TMEM177: variants seen among roughly 807,000 people sequenced by gnomAD.
TMEM177 encodes transmembrane protein 177.
TMEM177 carries 4 observed loss-of-function variants against 14.2 expected under a neutral mutation model. The ratio of observed to expected loss-of-function variants is 0.28; its 90% CI spans 0.14 to 0.64. The LOEUF is 0.64. TMEM177 is among the 30% of genes least tolerant of loss of function. The pLI is 0.82. For missense variants in TMEM177, 344 were observed against 405.2 expected, an observed-to-expected ratio of 0.85 and a Z score of 1.30; for synonymous variants, 179 against 174.5, an observed-to-expected ratio of 1.03 and a Z score of -0.20.
At chr2:119,720,826 A>T in the TMEM177 span, among the ~76,000 whole-genome samples, 1 of 152,176 alleles carries the variant, frequency 6.6e-6, no homozygotes, top group Non-Finnish European at 1.5e-5. Context: ...TCAATGTAAG[A>T]TCAATTATCT....
At chr2:119,706,305 C>T in the TMEM177 span, among the ~76,000 whole-genome samples, 6 of 152,112 alleles carry the variant, frequency 3.9e-5, no homozygotes, top group African/African-American at 1.4e-4. Flanking sequence ...GGATTACAGG[C>T]GTGAGCCACA....
At chr2:119,679,856 T>C (rs1475983809) in intron 1 of TMEM177, among the ~76,000 whole-genome samples, 1 of 152,242 alleles carries the variant, frequency 6.6e-6, no homozygotes, top group East Asian at 1.9e-4. Flanking sequence ...AAAAGTTTGC[T>C]GTGGACACCT....
the TMEM177 span, among the ~76,000 whole-genome samples, chr2:119,694,355 C>A: frequency 2.6e-5 from 4 of 152,132 alleles, no homozygotes; most frequent in African/African-American, 4.8e-5. Flanking sequence ...CACCCACACA[C>A]ACACACCCCT....
chr2:119,708,456 A>G, the TMEM177 span, among the ~76,000 whole-genome samples: 1 of 152,210 alleles, frequency 6.6e-6, no homozygotes, highest in African/African-American at 2.4e-5. Flanking sequence ...AACATGAGCA[A>G]AACTTCCTTA....
At chr2:119,707,490 A>G in the TMEM177 span, among the ~76,000 whole-genome samples, 1 of 152,224 alleles carries the variant, frequency 6.6e-6, no homozygotes, top group Non-Finnish European at 1.5e-5. Flanking sequence ...GGTCCTTGTC[A>G]GCAGGCGAAG....
At chr2:119,696,411 C>T in the TMEM177 span, among the ~76,000 whole-genome samples, 1 of 152,168 alleles carries the variant, frequency 6.6e-6, no homozygotes, top group Non-Finnish European at 1.5e-5. Context: ...TCACACAAAC[C>T]TGCCACATCC....
chr2:119,716,420 A>T, the TMEM177 span, among the ~76,000 whole-genome samples: 1 of 152,208 alleles, frequency 6.6e-6, no homozygotes, highest in Admixed American at 6.5e-5. Flanking sequence ...GTGTGTGTAC[A>T]TATGCTTGAG....
the TMEM177 span, among the ~76,000 whole-genome samples, chr2:119,698,158 CAGA>C: frequency 2.0e-5 from 3 of 152,278 alleles, no homozygotes; most frequent in African/African-American, 7.2e-5. Context: ...GAGTGGCCCT[CAGA>C]AGAACAGATG....
the TMEM177 span, among the ~76,000 whole-genome samples, chr2:119,695,659 G>A: frequency 3.3e-5 from 5 of 152,254 alleles, no homozygotes; most frequent in Non-Finnish European, 2.9e-5. Context: ...AAGCCACAGC[G>A]CAAGGCTCTG....
chr2:119,722,694 T>C, the TMEM177 span, among the ~76,000 whole-genome samples: 2 of 152,218 alleles, frequency 1.3e-5, no homozygotes, highest in African/African-American at 4.8e-5. Flanking sequence ...ATGCATAGTA[T>C]TTGACACATC....
At chr2:119,691,151 C>T (rs139315564), downstream of TMEM177, among the ~76,000 whole-genome samples, 850 of 152,240 alleles carry the variant, frequency 5.6e-3, 8 homozygotes, top group African/African-American at 0.019. Context: ...AATCTGTGGG[C>T]GCCTCTCCAG....
the TMEM177 span, among the ~76,000 whole-genome samples, chr2:119,708,007 C>T: frequency 4.8e-3 from 727 of 152,350 alleles, 3 homozygotes; most frequent in Non-Finnish European, 8.7e-3. Flanking sequence ...TTCTGTTTTG[C>T]CCCTGTGCTA....
At chr2:119,702,801 T>C in the TMEM177 span, among the ~76,000 whole-genome samples, 66 of 152,240 alleles carry the variant, frequency 4.3e-4, no homozygotes, top group Non-Finnish European at 7.9e-4. Flanking sequence ...TTGATATGTA[T>C]GCCGATTTAA....
At chr2:119,692,833 TGTG>T in the TMEM177 span, among the ~76,000 whole-genome samples, 1 of 151,406 alleles carries the variant, frequency 6.6e-6, no homozygotes, top group African/African-American at 2.4e-5. Flanking sequence ...ATTAGCCGGG[TGTG>T]GTGGTGGCAC....
the TMEM177 span, among the ~76,000 whole-genome samples, chr2:119,711,230 A>G: frequency 6.6e-6 from 1 of 152,202 alleles, no homozygotes; most frequent in African/African-American, 2.4e-5. Context: ...TTTAATACCT[A>G]AAAACAACCA....
downstream of TMEM177, among the ~76,000 whole-genome samples, chr2:119,683,367 C>T (rs770053336): frequency 2.6e-5 from 4 of 152,214 alleles, no homozygotes; most frequent in Non-Finnish European, 5.9e-5. Flanking sequence ...GTGAACCAGT[C>T]TTCACTCAGG....
At chr2:119,697,174 GA>G in the TMEM177 span, among the ~76,000 whole-genome samples, 1 of 152,214 alleles carries the variant, frequency 6.6e-6, no homozygotes, top group South Asian at 2.1e-4. Flanking sequence ...ACAAAACACG[GA>G]ACCAAACTCC....
downstream of TMEM177, chr2:119,686,594 TTCTC>T (rs1327831676): frequency 6.6e-6 from 1 of 152,162 alleles, no homozygotes; most frequent in African/African-American, 2.4e-5. Context: ...TTCTTTTTCT[TTCTC>T]TCTCTTTCTT....
At chr2:119,689,830 T>C (rs1558691782), downstream of TMEM177, among the ~76,000 whole-genome samples, 2 of 152,198 alleles carry the variant, frequency 1.3e-5, no homozygotes, top group African/African-American at 4.8e-5. Flanking sequence ...GAATTTAATA[T>C]AAAGGATTAT....
Sources: gnomAD v4.1 joint callset for allele counts (sites outside exome capture counted in the v4.1 genomes callset) on GRCh38, gnomAD v4.1.1 for gene constraint, MANE v1.5 for transcripts, NCBI Gene and HGNC (gene_info 2026-07-23, HGNC 2026-07-21) for gene names.